The following SPTBN2 variants were observed in gnomAD, a reference collection of about 807,000 sequenced individuals.
SPTBN2 encodes spectrin beta, non-erythrocytic 2.
Under a neutral mutation model 284.2 loss-of-function variants are expected in SPTBN2, and 107 were observed. That is an observed-to-expected ratio of 0.38 (90% confidence interval 0.32 to 0.44). The LOEUF (loss-of-function observed/expected upper bound fraction) is 0.44, where lower values mean the gene tolerates loss of function less well. Among genes scored for constraint, SPTBN2 ranks in the 20% least tolerant of loss-of-function variants. SPTBN2 has a pLI of 1.00. For synonymous variants in SPTBN2, 1,289 were observed against 1,354.8 expected, an observed-to-expected ratio of 0.95 and a Z score of 1.07; for missense variants, 2,569 against 3,287.1, an observed-to-expected ratio of 0.78 and a Z score of 5.34.
chr11:66,720,573 G>A (rs1373252043), intron 3 of SPTBN2, among the ~76,000 whole-genome samples: 2 of 152,278 alleles, frequency 1.3e-5, no homozygotes, highest in African/African-American at 4.8e-5. Flanking sequence ...CAGCAGCAGC[G>A]GGTGGAGGGA....
upstream of SPTBN2, among the ~76,000 whole-genome samples, chr11:66,730,707 A>G (rs1173972537): frequency 6.6e-6 from 1 of 152,216 alleles, no homozygotes; most frequent in Non-Finnish European, 1.5e-5. Context: ...TCGTGACCCA[A>G]TTAGAAGTCA....
At chr11:66,697,178 G>A (rs976916191) in intron 20 of SPTBN2, among the ~76,000 whole-genome samples, 5 of 152,118 alleles carry the variant, frequency 3.3e-5, no homozygotes, top group African/African-American at 9.7e-5. Context: ...TGAGGGTTGG[G>A]CTCCTGATGC....
Position 66,708,951 on chromosome 11 carries a change from T to C in SPTBN2, c.1142A>G (p.Gln381Arg). ...GCCCTCGCGGGGCGTGTAGACCTTC[T>C]GGTTGTTGGCCCGAAGCTTGCTCTG... ...TIQSKLRANN[Q>R]KVYTPREGRL... Residue 381 changes from glutamine to arginine, a missense_variant, in exon 11 of 38, where the codon CAG (glutamine) becomes CGG (arginine). By Grantham distance (43) the Gln-to-Arg change is conservative (BLOSUM62 1). Coordinates refer to ENST00000533211, the MANE Select transcript of SPTBN2 (RefSeq NM_006946.4). The surrounding 1 kb of genome is among the most constrained non-coding windows in gnomAD (Gnocchi z 4.4). The C allele has an allele frequency of 6.2e-7, 1 of 1,613,562 alleles. No homozygotes were observed. The highest frequency in any genetic ancestry group is 8.5e-7 in the Non-Finnish European group (1 of 1,179,810).
chr11:66,690,156 G>T lies in SPTBN2; in HGVS notation c.5693C>A (p.Ala1898Asp), dbSNP rs1422530704. 6.2e-7 allele frequency: 1 copy of T among 1,614,070 alleles called. No individual in the cohort carries two copies. The highest frequency in any genetic ancestry group is 1.3e-5 in the African/African-American group (1 of 74,948). ...AWAQLQGSSA[A>D]RRQLLLDTTD... Reference sequence around the variant, plus strand: ...GGTGTCCAGCAGCAGCTGCCGGCGGGCGGCAGAGCTTCCCTGAAGCTGGGC... The same window carrying T: ...GGTGTCCAGCAGCAGCTGCCGGCGGTCGGCAGAGCTTCCCTGAAGCTGGGC... Residue 1898 changes from alanine (A) to aspartate (D), a missense_variant, in exon 28 of 38, where the codon GCC becomes GAC. By Grantham distance (126) the Ala-to-Asp change is moderately radical. Coordinates refer to ENST00000533211, the MANE Select transcript of SPTBN2 (RefSeq NM_006946.4).
In SPTBN2 at chr11:66,692,752, G is replaced by A; in HGVS notation, c.4986-12C>T. 7 of 1,600,648 alleles carry A rather than the reference G, an allele frequency of 4.4e-6. No individual in the cohort carries two copies. Among genetic ancestry groups the A allele is most frequent in the South Asian group, 1.1e-5 (1 of 91,076 alleles). On this transcript the variant is annotated splice_polypyrimidine_tract_variant and intron_variant, in intron 25 of 37. Transcript: ENST00000533211. ...TGGATATCCGAGTGCTGCAAGAAGA[G>A]TGAGGGAGGCACTGTGGGACTTAGG...
chr11:66,692,643 G>A lies in SPTBN2; in HGVS notation c.5083C>T (p.Arg1695Trp), dbSNP rs150270569. Residue 1695 changes from arginine (R) to tryptophan (W), a missense_variant, in exon 26 of 38, where the codon CGG (arginine) becomes TGG (tryptophan). Physicochemically the swap from Arg to Trp is moderately radical, Grantham distance 101. Around this residue, in one of 6 missense-constraint regions of SPTBN2, gnomAD observed 1,130 missense variants for 1,317.3 expected, o/e 0.86. Transcript: ENST00000533211. ...AGCTCGCGGCGGAGCTGGCACAGCC[G>A]GAGGTGCTCCTGCAGGCGCTCCCGC... ...ERRERLQEHL[R>W]LCQLRRELDD... 67 of 1,605,334 alleles carry A rather than the reference G, an allele frequency of 4.2e-5. No individual in the cohort carries two copies. Among genetic ancestry groups the A allele is most frequent in the Middle Eastern group, 1.6e-4 (1 of 6,084 alleles).
chr11:66,693,323 G>A lies in SPTBN2; in HGVS notation c.4717C>T (p.Leu1573=). 2.5e-6 allele frequency: 4 copies of A among 1,611,764 alleles called. No homozygotes were observed. The highest frequency in any genetic ancestry group is 3.4e-6 in the Non-Finnish European group (4 of 1,180,030). Residue 1573 remains leucine (L), a synonymous_variant, in exon 24 of 38, where the codon CTG becomes TTG. Coordinates refer to ENST00000533211, the MANE Select transcript of SPTBN2 (RefSeq NM_006946.4). This position sits in a 1 kb window ranked among gnomAD's most constrained non-coding sequence, Gnocchi z 5.7. ...LAELQEMWKR[L]GHELELRGKR... ...CCTCGAAGTTCCAGCTCGTGGCCCA[G>A]GCGTTTCCACATTTCCTGCAGCTCA...
In SPTBN2 at chr11:66,711,020, AC is replaced by A. The variant is rs766424061; in HGVS notation, c.781del (p.Val261TrpfsTer23). The A allele has an allele frequency of 6.2e-7, 1 of 1,614,160 alleles. No homozygotes were observed. The highest frequency in any genetic ancestry group is 1.1e-5 in the South Asian group (1 of 91,084). ...TKLLDPEDVN[V>X]DQPDEKSIIT... is the part of the protein sequence containing the mutation. ...GATTGACTTCTCATCTGGCTGGTCCACATTCACGTCTGCAAGAGAGGACCAT... is the reference window on the plus strand; with the variant it reads ...GATTGACTTCTCATCTGGCTGGTCCAATTCACGTCTGCAAGAGAGGACCAT... On this transcript the variant is annotated frameshift_variant, in exon 9 of 38. Coordinates refer to ENST00000533211, the MANE Select transcript of SPTBN2 (RefSeq NM_006946.4). LOFTEE classifies it high-confidence loss of function.
chr11:66,710,527 G>T lies in SPTBN2; in HGVS notation c.1073+55C>A. On this transcript the variant is annotated intron_variant, in intron 10 of 37. Transcript: ENST00000533211. This position sits in a 1 kb window ranked among gnomAD's most constrained non-coding sequence, Gnocchi z 4.9. ...CTCCCTGAAGGCTGTGCTAATTTAGGCTTCCTCTCGTGGGAGCACAGCTCA... is the reference window on the plus strand; with the variant it reads ...CTCCCTGAAGGCTGTGCTAATTTAGTCTTCCTCTCGTGGGAGCACAGCTCA... 6.3e-7 allele frequency: 1 copy of T among 1,579,274 alleles called. No individual in the cohort carries two copies. The highest frequency in any genetic ancestry group is 8.6e-7 in the Non-Finnish European group (1 of 1,158,886).
chr11:66,692,917 G>T, intron 25 of SPTBN2, 53 bp downstream of exon 25: 2 of 1,598,280 alleles, frequency 1.3e-6, no homozygotes. Context: ...GCACCTTCCT[G>T]TTCCTGCAGC....
intron 37 of SPTBN2, 108 bp downstream of exon 37, chr11:66,686,290 A>C (rs892339944): frequency 6.6e-6 from 10 of 1,515,792 alleles, no homozygotes; most frequent in Non-Finnish European, 9.2e-6. Context: ...CAGTCTTACC[A>C]CAAAGGACAA....
chr11:66,707,583 A>G lies in SPTBN2; in HGVS notation c.1586T>C (p.Leu529Pro). The change falls in exon 13 of 38, where the codon CTC becomes CCC. Residue 529 changes from leucine (L) to proline (P), a missense_variant. By Grantham distance (98) the Leu-to-Pro change is moderately conservative. Around this residue, in one of 6 missense-constraint regions of SPTBN2, gnomAD observed 1,012 missense variants for 1,248.9 expected, o/e 0.81. Transcript: ENST00000533211. This position sits in a 1 kb window ranked among gnomAD's most constrained non-coding sequence, Gnocchi z 4.9. ...MVAARRERLLLNLELQKVFQD... is the reference protein window; with the variant it reads ...MVAARRERLLPNLELQKVFQD... ...GAACACCTTCTGCAGCTCCAGGTTG[A>G]GGAGGAGCCGCTCCCGCCGGGCGGC... The G allele has an allele frequency of 6.2e-7, 1 of 1,612,090 alleles. No homozygotes were observed. The highest frequency in any genetic ancestry group is 1.1e-5 in the South Asian group (1 of 91,028).
rs1231740090 is a variant in SPTBN2, at chr11:66,693,356, C to G, written c.4684G>C (p.Glu1562Gln). 1.2e-6 allele frequency: 2 copies of G among 1,606,542 alleles called. No individual in the cohort carries two copies. The highest frequency in any genetic ancestry group is 1.7e-6 in the Non-Finnish European group (2 of 1,180,000). Residue 1562 changes from glutamate (E) to glutamine (Q), a missense_variant, in exon 24 of 38, where the codon GAG becomes CAG. By Grantham distance (29) the Glu-to-Gln change is conservative (BLOSUM62 2). Coordinates refer to ENST00000533211, the MANE Select transcript of SPTBN2 (RefSeq NM_006946.4). This position sits in a 1 kb window ranked among gnomAD's most constrained non-coding sequence, Gnocchi z 5.7. ...RALGAAAAGP[E>Q]LAELQEMWKR... ...CACATTTCCTGCAGCTCAGCCAGCT[C>G]TGGACCTGCTGCTGCTGCACCTAGA...
rs1939968779 is a variant in SPTBN2 at position 66,684,285 on chromosome 11, C to T, written c.*1586G>A. ...CACTGTGCCCTGAAAGCTCCGATTGCCAAACCAGAGACAAAGGAGAAGCCA... is the reference window on the plus strand; with the variant it reads ...CACTGTGCCCTGAAAGCTCCGATTGTCAAACCAGAGACAAAGGAGAAGCCA... On this transcript the variant is annotated 3_prime_UTR_variant, in exon 38 of 38. Coordinates refer to ENST00000533211, the MANE Select transcript of SPTBN2 (RefSeq NM_006946.4). Among the ~76,000 whole-genome samples the T allele has an allele frequency of 1.3e-5, 2 of 152,156 alleles. No individual in the cohort carries two copies. The highest frequency in any genetic ancestry group is 2.9e-5 in the Non-Finnish European group (2 of 68,030).
At chr11:66,705,568 TCACCATCGTTTGGC>T in intron 14 of SPTBN2, 100 bp from the exon 15 acceptor site, 1 of 1,603,192 alleles carries the variant, frequency 6.2e-7, no homozygotes, top group Non-Finnish European at 8.5e-7. Context: ...TTTAGCTCAG[TCACCATCGTTTGGC>T]CACCATCTTT....
chr11:66,735,133 G>A (rs1276199718), intron 1 of SPTBN2, among the ~76,000 whole-genome samples: 1 of 152,130 alleles, frequency 6.6e-6, no homozygotes, highest in African/African-American at 2.4e-5. Context: ...AGGAGTGGGA[G>A]ACCAGCCTGG....
chr11:66,734,159 T>C (rs899992041), upstream of SPTBN2, among the ~76,000 whole-genome samples: 9 of 152,142 alleles, frequency 5.9e-5, no homozygotes, highest in African/African-American at 2.2e-4. Context: ...ACCCTTGTGG[T>C]CCTTCTCTGT....
chr11:66,714,497 T>C, intron 5 of SPTBN2, 90 bp from the exon 6 acceptor site: 1 of 1,169,382 alleles, frequency 8.6e-7, no homozygotes, highest in East Asian at 2.4e-5. Flanking sequence ...GAAACTGCTC[T>C]TTAGACTGTG....
At chr11:66,695,745 T>G (rs972824530) in intron 21 of SPTBN2, among the ~76,000 whole-genome samples, 14 of 145,422 alleles carry the variant, frequency 9.6e-5, no homozygotes, top group South Asian at 8.6e-4. Context: ...TATACTTCTG[T>G]TTTTTTTTTT....
Sources: gnomAD v4.1 joint callset for allele counts (sites outside exome capture counted in the v4.1 genomes callset) on GRCh38, gnomAD v4.1.1 for gene constraint, gnomAD v4.1.1 regional missense constraint, Gnocchi (gnomAD v3.1) non-coding constraint, MANE v1.5 for transcripts, NCBI Gene and HGNC (gene_info 2026-07-23, HGNC 2026-07-21) for gene names.